Variants in CDH13 observed in about 807,000 individuals in gnomAD.
The protein encoded by CDH13 is cadherin 13, also known as cadherin-13.
CDH13 carries 24 observed loss-of-function variants against 63.8 expected under a neutral mutation model. The observed-to-expected ratio is 0.38, with a 90% CI of 0.27 to 0.53. The LOEUF is 0.53. Ranked by LOEUF, CDH13 falls within the 20% of genes least tolerant of loss-of-function variation. CDH13 has a pLI of 0.85. For missense variants in CDH13, 1,049 were observed against 903.1 expected, an observed-to-expected ratio of 1.16 and a Z score of -2.07; for synonymous variants, 503 against 355.3, an observed-to-expected ratio of 1.42 and a Z score of -4.67.
intron 6 of CDH13, among the ~76,000 whole-genome samples, chr16:83,373,028 G>A (rs570798628): frequency 1.2e-4 from 18 of 152,180 alleles, no homozygotes; most frequent in Admixed American, 5.9e-4. Context: ...ATAGTTTATC[G>A]TCATATCAAT....
intron 5 of CDH13, among the ~76,000 whole-genome samples, chr16:83,305,206 TC>T (rs2089846575): frequency 6.6e-6 from 1 of 152,170 alleles, no homozygotes; most frequent in Admixed American, 6.5e-5. Flanking sequence ...TTTGTAGGCA[TC>T]CTCATTTCAG....
At chr16:83,169,561 T>A (rs1597457182) in intron 4 of CDH13, among the ~76,000 whole-genome samples, 1 of 112,042 alleles carries the variant, frequency 8.9e-6, no homozygotes, top group African/African-American at 7.1e-5. Context: ...AGTGGTAAGG[T>A]TTTTTTTTTG....
intron 6 of CDH13, among the ~76,000 whole-genome samples, chr16:83,425,241 T>C (rs1395940873): frequency 1.3e-5 from 2 of 152,238 alleles, no homozygotes; most frequent in Non-Finnish European, 2.9e-5. Context: ...ATTTGATGAC[T>C]TGGGAATTAA....
intron 8 of CDH13, among the ~76,000 whole-genome samples, chr16:83,620,489 G>C (rs1383722499): frequency 6.6e-6 from 1 of 151,840 alleles, no homozygotes; most frequent in Non-Finnish European, 1.5e-5. Flanking sequence ...GTGAGTCAAT[G>C]GCTAGGAGAT....
intron 1 of CDH13, among the ~76,000 whole-genome samples, chr16:82,682,272 T>G (rs1174520845): frequency 6.6e-6 from 1 of 152,226 alleles, no homozygotes; most frequent in Non-Finnish European, 1.5e-5. Flanking sequence ...CCCATCAACA[T>G]GCTGATTCCA....
chr16:82,863,718 A>T (rs16958788), intron 2 of CDH13, among the ~76,000 whole-genome samples: 8,772 of 152,248 alleles, frequency 0.058, 286 homozygotes, highest in Middle Eastern at 0.14. Context: ...CATAGACCTC[A>T]GCTAGATCCA....
chr16:83,096,898 T>C (rs142672180), intron 3 of CDH13, among the ~76,000 whole-genome samples: 5 of 152,338 alleles, frequency 3.3e-5, no homozygotes, highest in Non-Finnish European at 7.4e-5. Flanking sequence ...CTTTGAAAGT[T>C]AGGGTCATGT....
chr16:83,100,129 C>T (rs565379902), intron 3 of CDH13, among the ~76,000 whole-genome samples: 22 of 152,196 alleles, frequency 1.4e-4, no homozygotes, highest in African/African-American at 5.3e-4. Flanking sequence ...TGTCTGAGGA[C>T]ACACCAGGTG....
chr16:83,527,355 A>G (rs2074987895), intron 7 of CDH13, among the ~76,000 whole-genome samples: 1 of 152,046 alleles, frequency 6.6e-6, no homozygotes, highest in Non-Finnish European at 1.5e-5. Context: ...AGGCTGAGGC[A>G]GGAGAATGGC....
intron 1 of CDH13, among the ~76,000 whole-genome samples, chr16:82,691,044 C>G (rs1212624933): frequency 6.6e-6 from 1 of 152,178 alleles, no homozygotes; most frequent in Non-Finnish European, 1.5e-5. Context: ...AGAGAAACAC[C>G]TAGATTTTGG....
chr16:83,169,394 C>A (rs184046462), intron 4 of CDH13, among the ~76,000 whole-genome samples: 1 of 152,044 alleles, frequency 6.6e-6, no homozygotes, highest in Non-Finnish European at 1.5e-5. Flanking sequence ...CCAGGATTGT[C>A]TTGATGTCTT....
chr16:83,560,825 C>A (rs527907005), intron 7 of CDH13, among the ~76,000 whole-genome samples: 2 of 152,276 alleles, frequency 1.3e-5, no homozygotes, highest in South Asian at 4.1e-4. Context: ...TGAGTTGGTT[C>A]CCCTTTGGGG....
At chr16:83,154,955 A>G (rs1249061585) in intron 4 of CDH13, among the ~76,000 whole-genome samples, 1 of 152,230 alleles carries the variant, frequency 6.6e-6, no homozygotes, top group Non-Finnish European at 1.5e-5. Flanking sequence ...TTAAAATTTT[A>G]TGGTTTAGGG....
At chr16:83,559,010 T>G (rs954093165) in intron 7 of CDH13, among the ~76,000 whole-genome samples, 1 of 152,056 alleles carries the variant, frequency 6.6e-6, no homozygotes, top group Non-Finnish European at 1.5e-5. Context: ...TCTCATAAAT[T>G]AGTCATGCTG....
intron 7 of CDH13, among the ~76,000 whole-genome samples, chr16:83,562,432 C>G (rs147153742): frequency 6.6e-6 from 1 of 152,174 alleles, no homozygotes; most frequent in Non-Finnish European, 1.5e-5. Flanking sequence ...TTGTCTCAAT[C>G]GGATTCAGGA....
At chr16:83,649,203 A>G (rs1430207182) in intron 8 of CDH13, among the ~76,000 whole-genome samples, 2 of 152,254 alleles carry the variant, frequency 1.3e-5, no homozygotes, top group African/African-American at 2.4e-5. Context: ...TGTGGGTTCT[A>G]TAAAATGTGC....
chr16:83,443,398 T>G (rs1456610874), intron 6 of CDH13, among the ~76,000 whole-genome samples: 4 of 152,142 alleles, frequency 2.6e-5, no homozygotes, highest in African/African-American at 9.7e-5. Flanking sequence ...ACATTCTCAG[T>G]GCGTGTTGAA....
At position 83,126,643 on chromosome 16, in the gene CDH13, C is replaced by T. The variant is rs183455702; in HGVS notation, c.483+1142C>T. On this transcript the variant is annotated intron_variant, in intron 4 of 13. Coordinates refer to ENST00000567109, the MANE Select transcript of CDH13 (RefSeq NM_001257.5). ...GGAGAAGGGACAAGGAAGTTGATCT[C>T]GAGAACAAAGAACAAGGGAGTCAGA... 1.6e-3 allele frequency among the ~76,000 whole-genome samples: 239 copies of T among 152,036 alleles called. 1 individual carries two copies. Among genetic ancestry groups the T allele is most frequent in the African/African-American group, 4.8e-3 (198 of 41,452 alleles).
At position 83,516,744 on chromosome 16, in the gene CDH13, GTCA is replaced by G. The variant is rs2151612645; in HGVS notation, c.960+30094_960+30096del. Among the ~76,000 whole-genome samples, 3 of 152,326 alleles carry G rather than the reference GTCA, an allele frequency of 2.0e-5. No homozygotes were observed. In the East Asian group the frequency reaches 5.8e-4, roughly 29 times the overall value. ...AGTAAAAAAGCCAGCTGCCTCCCCT[GTCA>G]TCATGGAATTTATAACTTAGTAGAG... is the stretch of plus-strand genomic sequence containing the variant. On this transcript the variant is annotated intron_variant, in intron 7 of 13. Coordinates refer to ENST00000567109, the MANE Select transcript of CDH13 (RefSeq NM_001257.5).
Sources: allele counts gnomAD v4.1 joint callset (sites outside exome capture counted in the v4.1 genomes callset), GRCh38; gene constraint gnomAD v4.1.1; transcripts MANE v1.5; gene names NCBI Gene and HGNC (gene_info 2026-07-23, HGNC 2026-07-21).